The following NHEJ1 variants were observed in gnomAD, a reference collection of about 807,000 sequenced individuals.
NHEJ1 encodes the protein non-homologous end joining factor 1.
A neutral mutation model predicts 39.4 loss-of-function variants in NHEJ1; 22 were observed. That is an observed-to-expected ratio of 0.56 (90% confidence interval 0.40 to 0.80). The LOEUF (loss-of-function observed/expected upper bound fraction) is 0.80, where lower values mean the gene tolerates loss of function less well. Among genes scored for constraint, NHEJ1 ranks in the 30% least tolerant of loss-of-function variants. The pLI, the probability that NHEJ1 is intolerant of heterozygous loss-of-function variation, is 0.00. For synonymous variants in NHEJ1, 154 were observed against 135.6 expected (o/e 1.14, Z -0.94); for missense variants, 329 against 357.1 (o/e 0.92, Z 0.63).
chr2:219,073,339 C>G lies in NHEJ1; in HGVS notation c.*3042G>C, dbSNP rs1421162819. 6.6e-6 allele frequency among the ~76,000 whole-genome samples: 1 copy of G among 152,226 alleles called. No homozygotes were observed. The highest frequency in any genetic ancestry group is 2.4e-5 in the African/African-American group (1 of 41,462). The stretch of plus-strand genomic sequence containing the variant: ...CTATCCCTTGGAAATCCTCCTTGAT[C>G]TGGGAGACTGGCTGCCTGGTGACAA... On this transcript the variant is annotated 3_prime_UTR_variant, in exon 8 of 8. Coordinates refer to ENST00000356853, the MANE Select transcript of NHEJ1 (RefSeq NM_024782.3).
intron 3 of NHEJ1, among the ~76,000 whole-genome samples, chr2:219,151,576 G>T (rs1365134124): frequency 6.6e-6 from 1 of 152,164 alleles, no homozygotes; most frequent in Non-Finnish European, 1.5e-5. Context: ...AATTATTGAG[G>T]TATAATTCAT....
intron 5 of NHEJ1, among the ~76,000 whole-genome samples, chr2:219,109,520 C>G (rs565827138): frequency 6.6e-6 from 1 of 152,188 alleles, no homozygotes; most frequent in East Asian, 1.9e-4. Context: ...AGAGCCACAG[C>G]CTTCCCCCTA....
chr2:219,125,720 G>A (rs891441778), intron 5 of NHEJ1: 20 of 152,320 alleles, frequency 1.3e-4, no homozygotes, highest in African/African-American at 4.6e-4. Context: ...CAGGGCACAG[G>A]AGTAATTTTT....
At chr2:219,137,579 A>C (rs1321663285) in intron 5 of NHEJ1, among the ~76,000 whole-genome samples, 1 of 141,154 alleles carries the variant, frequency 7.1e-6, no homozygotes, top group Non-Finnish European at 1.6e-5. Context: ...GCAAAAAAAA[A>C]AAAAAAAAAA....
At chr2:219,129,021 C>T (rs966424106) in intron 5 of NHEJ1, among the ~76,000 whole-genome samples, 1 of 152,158 alleles carries the variant, frequency 6.6e-6, no homozygotes, top group African/African-American at 2.4e-5. Context: ...TCTTGGAATA[C>T]CACTCTAACA....
chr2:219,103,603 G>A (rs926713952), intron 5 of NHEJ1, among the ~76,000 whole-genome samples: 1 of 152,098 alleles, frequency 6.6e-6, no homozygotes, highest in Non-Finnish European at 1.5e-5. Context: ...CAAAATGACT[G>A]CTAAATGGAA....
chr2:219,085,195 T>C (rs1949100760), intron 5 of NHEJ1, among the ~76,000 whole-genome samples: 1 of 152,202 alleles, frequency 6.6e-6, no homozygotes, highest in Admixed American at 6.5e-5. Flanking sequence ...GAGAAAAAAC[T>C]ACTAGGACAG....
At chr2:219,127,762 A>T (rs1438166065) in intron 5 of NHEJ1, among the ~76,000 whole-genome samples, 2 of 152,230 alleles carry the variant, frequency 1.3e-5, no homozygotes, top group Non-Finnish European at 2.9e-5. Context: ...GAAAACATTC[A>T]TTCCTTTTCT....
intron 5 of NHEJ1, among the ~76,000 whole-genome samples, chr2:219,079,016 T>C (rs1199908577): frequency 6.6e-6 from 1 of 152,232 alleles, no homozygotes; most frequent in Non-Finnish European, 1.5e-5. Context: ...AACACTGCTA[T>C]GATTACATTA....
intron 5 of NHEJ1, among the ~76,000 whole-genome samples, chr2:219,126,909 A>G (rs1949530367): frequency 6.6e-6 from 1 of 152,236 alleles, no homozygotes; most frequent in Non-Finnish European, 1.5e-5. Flanking sequence ...GACGGGCTCT[A>G]GCAACTGATA....
At chr2:219,085,582 G>A (rs73991023) in intron 5 of NHEJ1, among the ~76,000 whole-genome samples, 2,591 of 152,194 alleles carry the variant, frequency 0.017, 74 homozygotes, top group African/African-American at 0.059. Flanking sequence ...TGCCGACCTC[G>A]CCATGCTCTA....
chr2:219,099,193 C>T (rs1022233088), intron 5 of NHEJ1, among the ~76,000 whole-genome samples: 1 of 152,200 alleles, frequency 6.6e-6, no homozygotes, highest in African/African-American at 2.4e-5. Flanking sequence ...AGAGCAGACT[C>T]TAGAACAGAG....
chr2:219,135,603 CG>C (rs1181194445), intron 5 of NHEJ1, among the ~76,000 whole-genome samples: 14 of 152,036 alleles, frequency 9.2e-5, no homozygotes, highest in Non-Finnish European at 1.3e-4. Flanking sequence ...AGTGAGATTC[CG>C]TCTCAAAAGT....
intron 5 of NHEJ1, among the ~76,000 whole-genome samples, chr2:219,094,889 A>G (rs1473912433): frequency 6.6e-6 from 1 of 152,156 alleles, no homozygotes; most frequent in East Asian, 1.9e-4. Context: ...CTCTGGTTAC[A>G]GGGCATCTTG....
chr2:219,152,410 A>G (rs1949804747), intron 3 of NHEJ1, among the ~76,000 whole-genome samples: 2 of 152,210 alleles, frequency 1.3e-5, no homozygotes, highest in Admixed American at 1.3e-4. Context: ...GTTCAAGATC[A>G]GCCTGGGCAA....
intron 5 of NHEJ1, among the ~76,000 whole-genome samples, chr2:219,140,689 A>G (rs72951800): frequency 0.093 from 14,217 of 152,240 alleles, 765 homozygotes; most frequent in East Asian, 0.14. Flanking sequence ...ATACGACTGG[A>G]AGTTCAATTT....
chr2:219,085,250 T>C (rs1949101207), intron 5 of NHEJ1, among the ~76,000 whole-genome samples: 1 of 152,228 alleles, frequency 6.6e-6, no homozygotes, highest in Non-Finnish European at 1.5e-5. Flanking sequence ...AGAAGACAAC[T>C]GTTTCATTCT....
chr2:219,119,716 C>T (rs1949452820), intron 5 of NHEJ1, among the ~76,000 whole-genome samples: 1 of 152,104 alleles, frequency 6.6e-6, no homozygotes, highest in South Asian at 2.1e-4. Context: ...ACCATAAATC[C>T]TAAAGGAATT....
At chr2:219,080,789 G>C (rs1184564583) in intron 5 of NHEJ1, among the ~76,000 whole-genome samples, 1 of 151,020 alleles carries the variant, frequency 6.6e-6, no homozygotes, top group Non-Finnish European at 1.5e-5. Flanking sequence ...TATTTCCCTG[G>C]CATCTAGAAG....
Sources: allele counts gnomAD v4.1 joint callset (sites outside exome capture counted in the v4.1 genomes callset), GRCh38; gene constraint gnomAD v4.1.1; transcripts MANE v1.5; gene names NCBI Gene and HGNC (gene_info 2026-07-23, HGNC 2026-07-21).